PPP1R3B: variants seen among roughly 807,000 people sequenced by gnomAD.
PPP1R3B encodes protein phosphatase 1 regulatory subunit 3B, also known as PP1 subunit R4.
PPP1R3B carries 8 observed loss-of-function variants against 14.6 expected under a neutral mutation model. The observed-to-expected ratio is 0.55, with a 90% confidence interval of 0.32 to 0.99. The LOEUF is 0.99. PPP1R3B is among the 50% of genes least tolerant of loss of function. The pLI, the probability that PPP1R3B is intolerant of heterozygous loss-of-function variation, is 0.04. For synonymous variants in PPP1R3B, 169 were observed against 142.0 expected, an observed-to-expected ratio of 1.19 and a Z score of -1.35; for missense variants, 452 against 360.1, an observed-to-expected ratio of 1.26 and a Z score of -2.07.
At chr8:9,142,993 C>A (rs1335679545) in intron 1 of PPP1R3B, among the ~76,000 whole-genome samples, 1 of 152,202 alleles carries the variant, frequency 6.6e-6, no homozygotes, top group East Asian at 1.9e-4. Context: ...CTCTCCGATA[C>A]ACTGACTTCA....
chr8:9,144,072 A>T (rs1801164141), intron 1 of PPP1R3B, among the ~76,000 whole-genome samples: 2 of 152,186 alleles, frequency 1.3e-5, no homozygotes, highest in Admixed American at 6.5e-5. Flanking sequence ...AGTGGCCTAT[A>T]AATATGCAAA....
chr8:9,146,381 C>T (rs559509349), intron 1 of PPP1R3B, among the ~76,000 whole-genome samples: 1 of 152,236 alleles, frequency 6.6e-6, no homozygotes, highest in South Asian at 2.1e-4. Flanking sequence ...GCCATGGCCA[C>T]CCCTGAGAAG....
chr8:9,151,147 G>A (rs796986019), upstream of PPP1R3B, among the ~76,000 whole-genome samples: 2 of 152,272 alleles, frequency 1.3e-5, 1 homozygote, highest in African/African-American at 4.8e-5. Context: ...CTTCCCAGCT[G>A]CGGTCCCTGG....
intron 1 of PPP1R3B, among the ~76,000 whole-genome samples, chr8:9,149,655 C>CA (rs1335227382): frequency 6.6e-6 from 1 of 152,232 alleles, no homozygotes; most frequent in Non-Finnish European, 1.5e-5. Flanking sequence ...CTCCCTCCAA[C>CA]AATTCTGTGT....
chr8:9,149,171 C>T (rs1161815950), intron 1 of PPP1R3B, among the ~76,000 whole-genome samples: 14 of 116,510 alleles, frequency 1.2e-4, no homozygotes, highest in Non-Finnish European at 1.9e-4. Context: ...CCAGCCTGGG[C>T]GACAGAGCGA....
rs571662270 is a variant in PPP1R3B, at chr8:9,136,511, C to T, written c.*4283G>A. The T allele has an allele frequency of 2.6e-5, 4 of 152,330 alleles. No individual in the cohort carries two copies. The East Asian group carries it at 7.7e-4, about 29-fold the overall frequency. 9.4% of individuals were successfully genotyped at this position (152,330 alleles called of 1,614,324 possible). On this transcript the variant is annotated 3_prime_UTR_variant, in exon 2 of 2. Transcript: ENST00000310455. ...TCATCACAGCTGCACTCTCAAAGCC[C>T]TCAGAGGTCCAGCAGTCTCTAAAAA...
In PPP1R3B at chr8:9,141,674, A is replaced by G. The variant is rs775838291; in HGVS notation, c.-17-6T>C. ...CATGGGGCTAGATGAACAGGCTAGA[A>G]CCGTGGAAAGGGAAGAGAAGAAAGA... On this transcript the variant is annotated splice_polypyrimidine_tract_variant and splice_region_variant and intron_variant, in intron 1 of 1. Coordinates refer to ENST00000310455, the MANE Select transcript of PPP1R3B (RefSeq NM_024607.4). The G allele has an allele frequency of 6.2e-7, 1 of 1,603,032 alleles. No individual in the cohort carries two copies. Among genetic ancestry groups the G allele is most frequent in the Admixed American group, 1.7e-5 (1 of 59,290 alleles).
chr8:9,149,223 G>A (rs1801338316), intron 1 of PPP1R3B, among the ~76,000 whole-genome samples: 1 of 140,442 alleles, frequency 7.1e-6, no homozygotes, highest in Non-Finnish European at 1.5e-5. Context: ...AAAAAAGGCC[G>A]GGCGTGGTGG....
chr8:9,142,582 G>A (rs190574126), intron 1 of PPP1R3B, among the ~76,000 whole-genome samples: 243 of 152,056 alleles, frequency 1.6e-3, no homozygotes, highest in Admixed American at 4.5e-3. Flanking sequence ...ACCAAGTATA[G>A]GCACCATATT....
intron 1 of PPP1R3B, among the ~76,000 whole-genome samples, chr8:9,146,701 C>T (rs1266976715): frequency 2.0e-5 from 3 of 152,040 alleles, no homozygotes; most frequent in Admixed American, 6.5e-5. Flanking sequence ...CACTGTTTCC[C>T]CTTTAAGAAA....
At chr8:9,142,604 C>G (rs1253602208) in intron 1 of PPP1R3B, among the ~76,000 whole-genome samples, 44 of 152,008 alleles carry the variant, frequency 2.9e-4, no homozygotes, top group Admixed American at 2.9e-3. Flanking sequence ...TACATCAGAT[C>G]TCTTGAATTT....
At position 9,140,624 on chromosome 8, in the gene PPP1R3B, C is replaced by G. The variant is rs1448250436; in HGVS notation, c.*170G>C. The G allele has an allele frequency of 1.4e-6, 1 of 710,900 alleles. No individual in the cohort carries two copies. The highest frequency in any genetic ancestry group is 2.3e-6 in the Non-Finnish European group (1 of 438,898). 44.0% of individuals were successfully genotyped at this position (710,900 alleles called of 1,614,324 possible). On this transcript the variant is annotated 3_prime_UTR_variant, in exon 2 of 2. Coordinates refer to ENST00000310455, the MANE Select transcript of PPP1R3B (RefSeq NM_024607.4). The stretch of plus-strand genomic sequence containing the variant: ...GAGACACTGGTTGTGTAATCTGAAC[C>G]TGGCTGGATTTGCTGTTTAAGAAAG...
At position 9,140,792 on chromosome 8, in the gene PPP1R3B, C is replaced by T; in HGVS notation, c.*2G>A. The T allele has an allele frequency of 6.2e-7, 1 of 1,613,366 alleles. No homozygotes were observed. Among genetic ancestry groups the T allele is most frequent in the Non-Finnish European group, 8.5e-7 (1 of 1,179,572 alleles). ...TCCGCCACGCCCTGTCACCTGCAGTCACTAGTAGTAGGGCCCTAGCTTTTC... is the reference window on the plus strand; with the variant it reads ...TCCGCCACGCCCTGTCACCTGCAGTTACTAGTAGTAGGGCCCTAGCTTTTC... On this transcript the variant is annotated 3_prime_UTR_variant, in exon 2 of 2. Coordinates refer to ENST00000310455, the MANE Select transcript of PPP1R3B (RefSeq NM_024607.4).
At chr8:9,149,076 C>A (rs893582097) in intron 1 of PPP1R3B, among the ~76,000 whole-genome samples, 24 of 149,534 alleles carry the variant, frequency 1.6e-4, no homozygotes, top group Non-Finnish European at 2.7e-4. Flanking sequence ...GCCTGTAGTC[C>A]CAGCTACTCA....
Position 9,140,998 on chromosome 8 carries a change from TC to T in PPP1R3B, c.653del (p.Gly218AspfsTer20). On this transcript the variant is annotated frameshift_variant, in exon 2 of 2. Coordinates refer to ENST00000310455, the MANE Select transcript of PPP1R3B (RefSeq NM_024607.4). LOFTEE classifies it high-confidence loss of function. ...CTCTGTTGCTGTCCCAGTACGTCTG[TC>T]CATTGCACTCGTAGTACACAGCAAA... ...MEFAVYYECN[G>X]QTYWDSNRGK... 1.9e-6 allele frequency: 3 copies of T among 1,614,146 alleles called. No homozygotes were observed. Among genetic ancestry groups the T allele is most frequent in the Non-Finnish European group, 2.5e-6 (3 of 1,180,016 alleles).
intron 1 of PPP1R3B, among the ~76,000 whole-genome samples, chr8:9,147,394 C>T (rs186562919): frequency 9.2e-5 from 14 of 152,256 alleles, no homozygotes; most frequent in Non-Finnish European, 1.8e-4. Context: ...TGGGTGTGAA[C>T]TGAGGGAGGA....
chr8:9,141,555 G>C lies in PPP1R3B; in HGVS notation c.97C>G (p.Pro33Ala). 6.2e-7 allele frequency: 1 copy of C among 1,614,162 alleles called. No individual in the cohort carries two copies. Among genetic ancestry groups the C allele is most frequent in the Non-Finnish European group, 8.5e-7 (1 of 1,180,048 alleles). The change falls in exon 2 of 2, where the codon CCA becomes GCA. Residue 33 changes from proline to alanine, a missense_variant. Transcript: ENST00000310455. ...AFKISPKPSK[P>A]LRPCIQLSSK... The stretch of plus-strand genomic sequence containing the variant: ...CTCAGCTGAATACAAGGCCTCAGTG[G>C]TTTGCTGGGCTTTGGTGAGATCTTA...
In PPP1R3B at chr8:9,141,372, C is replaced by T. The variant is rs765709553; in HGVS notation, c.280G>A (p.Glu94Lys). 2.5e-6 allele frequency: 4 copies of T among 1,614,176 alleles called. No individual in the cohort carries two copies. The highest frequency in any genetic ancestry group is 3.4e-6 in the Non-Finnish European group (4 of 1,180,030). ...AAGCTCACAATGTTGTCTAGGAGCT[C>T]GGTGATGTTGAATGGCATATCTAGC... ...DPLDMPFNIT[E>K]LLDNIVSLTT... is the part of the protein sequence containing the mutation. The change falls in exon 2 of 2, where the codon GAG (glutamate) becomes AAG (lysine). Residue 94 changes from glutamate (E) to lysine (K), a missense_variant. Glu to Lys is a moderately conservative substitution (Grantham distance 56). Coordinates refer to ENST00000310455, the MANE Select transcript of PPP1R3B (RefSeq NM_024607.4).
At chr8:9,141,863 G>A (rs1585339863) in intron 1 of PPP1R3B, 195 bp from the exon 2 acceptor site, 1 of 143,204 alleles carries the variant, frequency 7.0e-6, no homozygotes, top group South Asian at 2.0e-4. Flanking sequence ...GTTGTGGGGG[G>A]ACGAGATGCG....
Sources: gnomAD v4.1 joint callset for allele counts (sites outside exome capture counted in the v4.1 genomes callset) on GRCh38, gnomAD v4.1.1 for gene constraint, MANE v1.5 for transcripts, NCBI Gene and HGNC (gene_info 2026-07-23, HGNC 2026-07-21) for gene names.